STK25: variants seen among roughly 807,000 people sequenced by gnomAD.
The protein encoded by STK25 is serine/threonine-protein kinase 25.
In STK25, 29 loss-of-function variants were observed where a neutral mutation model predicts 53.8. The observed-to-expected ratio is 0.54, with a 90% CI of 0.40 to 0.74. The LOEUF (loss-of-function observed/expected upper bound fraction) is 0.74, where lower values mean the gene tolerates loss of function less well. Among genes scored for constraint, STK25 ranks in the 30% least tolerant of loss-of-function variants. STK25 has a pLI of 0.00. For synonymous variants in STK25, 247 were observed against 238.3 expected (o/e 1.04, Z -0.33); for missense variants, 420 against 568.0 (o/e 0.74, Z 2.65).
rs1276146701 is a variant in STK25 at position 241,501,480 on chromosome 2, T to C, written c.259A>G (p.Lys87Glu). ...YITRYFGSYL[K>E]STKLWIIMEY... Reference sequence around the variant, plus strand: ...CCCCGCCTCCCCACAACAGGCACCTTTAGGTAGGAGCCAAAGTAGCGGGTG... The same window carrying C: ...CCCCGCCTCCCCACAACAGGCACCTCTAGGTAGGAGCCAAAGTAGCGGGTG... The change falls in exon 3 of 12, where the codon AAG becomes GAG. Residue 87 changes from lysine to glutamate, a missense_variant and splice_region_variant. Coordinates refer to ENST00000316586, the MANE Select transcript of STK25 (RefSeq NM_001271977.2). This position sits in a 1 kb window ranked among gnomAD's most constrained non-coding sequence, Gnocchi z 5.3. 2.5e-6 allele frequency: 4 copies of C among 1,613,520 alleles called. No individual in the cohort carries two copies. The highest frequency in any genetic ancestry group is 3.4e-6 in the Non-Finnish European group (4 of 1,179,716).
At position 241,495,406 on chromosome 2, in the gene STK25, C is replaced by T. The variant is rs2065091619; in HGVS notation, c.*256G>A. The T allele has an allele frequency of 5.9e-6, 3 of 507,182 alleles. No individual in the cohort carries two copies. Among genetic ancestry groups the T allele is most frequent in the African/African-American group, 3.9e-5 (2 of 51,838 alleles). 31.4% of individuals were successfully genotyped at this position (507,182 alleles called of 1,614,324 possible). On this transcript the variant is annotated 3_prime_UTR_variant, in exon 12 of 12. Transcript: ENST00000316586. ...GGGCCACGCCGGCGGCTGGAGCCCC[C>T]GTGAGCAATACTGCTGGGCCAGGAG...
chr2:241,499,521 C>T (rs2065377986), intron 5 of STK25, 107 bp from the exon 6 acceptor site: 1 of 1,415,556 alleles, frequency 7.1e-7, no homozygotes, highest in East Asian at 2.5e-5. Flanking sequence ...TAGGGCACAG[C>T]AGGGCTGTCC....
chr2:241,508,655 C>G (rs956635221), upstream of STK25: 10 of 986,294 alleles, frequency 1.0e-5, no homozygotes, highest in Admixed American at 6.1e-5. Context: ...CCGAGTCCCA[C>G]CGCCCACTCC....
rs1445143261 is a variant in STK25, at chr2:241,508,051, G to A, written c.-16C>T. On this transcript the variant is annotated 5_prime_UTR_variant, in exon 2 of 12. Transcript: ENST00000316586. ...GGTGAGCCATGGCCGCGCCGCCTCA[G>A]ACCCTCCGCCAGCAGCCCCAGGAGG... is the stretch of plus-strand genomic sequence containing the variant. 3.1e-6 allele frequency: 5 copies of A among 1,600,284 alleles called. No individual in the cohort carries two copies. The highest frequency in any genetic ancestry group is 4.3e-6 in the Non-Finnish European group (5 of 1,174,876).
At position 241,494,208 on chromosome 2, in the gene STK25, A is replaced by T; in HGVS notation, c.*1454T>A. On this transcript the variant is annotated 3_prime_UTR_variant, in exon 12 of 12. Transcript: ENST00000316586. The surrounding 1 kb of genome is among the most constrained non-coding windows in gnomAD (Gnocchi z 4.9). ...CCTCTGTCCTGAGGCTTCTCAACAG[A>T]TGGGAAGTGGCTGTGGTCTCACTGG... 1.2e-6 allele frequency: 1 copy of T among 804,916 alleles called. No homozygotes were observed. The highest frequency in any genetic ancestry group is 2.4e-4 in the Middle Eastern group (1 of 4,116). 49.9% of individuals were successfully genotyped at this position (804,916 alleles called of 1,614,324 possible). A position where few individuals can be genotyped will look rare whatever the true frequency, so the allele number is the denominator to read the frequency against.
chr2:241,499,413 A>G lies in STK25; in HGVS notation c.429T>C (p.Ala143=). 5 of 1,613,444 alleles carry G rather than the reference A, an allele frequency of 3.1e-6. No homozygotes were observed. The highest frequency in any genetic ancestry group is 4.2e-6 in the Non-Finnish European group (5 of 1,179,812). ...CCTGCTCCGAGAGTAGCACGTTGGC[A>G]GCTGCTTGACACAGGACAGGCAGGC... ...SERKIHRDIK[A]ANVLLSEQGD... is the part of the protein sequence containing the mutation. The change falls in exon 6 of 12, where the codon GCT becomes GCC. Residue 143 remains alanine, a splice_region_variant and synonymous_variant. Transcript: ENST00000316586.
At position 241,493,729 on chromosome 2, in the gene STK25, A is replaced by G. The variant is rs1208887538; in HGVS notation, c.*1933T>C. On this transcript the variant is annotated 3_prime_UTR_variant, in exon 12 of 12. Coordinates refer to ENST00000316586, the MANE Select transcript of STK25 (RefSeq NM_001271977.2). ...TCTGCCTCAGCCTCCTGAGTAACTG[A>G]GATTACAGGCATGCACGCCACGCCG... The G allele has an allele frequency of 3.9e-6, 2 of 511,028 alleles. No homozygotes were observed. The highest frequency in any genetic ancestry group is 7.0e-6 in the Non-Finnish European group (2 of 287,056). 31.7% of individuals were successfully genotyped at this position (511,028 alleles called of 1,614,324 possible).
chr2:241,503,815 G>T (rs2065656353), intron 2 of STK25, among the ~76,000 whole-genome samples: 4 of 151,626 alleles, frequency 2.6e-5, no homozygotes, highest in Admixed American at 6.6e-5. Flanking sequence ...CGGAGACCGT[G>T]CCCACCAAGA....
chr2:241,506,623 T>C (rs2065847088), intron 2 of STK25, among the ~76,000 whole-genome samples: 2 of 152,024 alleles, frequency 1.3e-5, no homozygotes. Context: ...CAAAATTAGC[T>C]GGGCATGGTG....
intron 8 of STK25, 121 bp from the exon 9 acceptor site, chr2:241,498,470 G>A (rs528930788): frequency 2.2e-5 from 27 of 1,251,276 alleles, no homozygotes; most frequent in African/African-American, 9.0e-5. Context: ...GCCAGGCCAC[G>A]GGGTCCAGCT....
Position 241,501,803 on chromosome 2 carries a change from T to C in STK25, c.31-95A>G. The C allele has an allele frequency of 2.3e-6, 2 of 871,706 alleles. No individual in the cohort carries two copies. The highest frequency in any genetic ancestry group is 2.1e-5 in the Admixed American group (1 of 47,854). 54.0% of individuals were successfully genotyped at this position (871,706 alleles called of 1,614,324 possible). ...GCCCTGCTGGGGAGGAAGGGACCTG[T>C]AGGGAAGGGGGAGTCCAAGGGAGCG... On this transcript the variant is annotated intron_variant, in intron 2 of 11. Transcript: ENST00000316586. The surrounding 1 kb of genome is among the most constrained non-coding windows in gnomAD (Gnocchi z 5.3).
intron 1 of STK25, 59 bp from the exon 2 acceptor site, chr2:241,508,194 G>A (rs11555264): frequency 1.5e-6 from 2 of 1,360,682 alleles, no homozygotes; most frequent in South Asian, 1.8e-5. Flanking sequence ...CCGACCTCCG[G>A]GGCGGCGGGC....
intron 2 of STK25, among the ~76,000 whole-genome samples, chr2:241,504,288 T>C (rs1031717106): frequency 2.6e-5 from 4 of 152,136 alleles, no homozygotes; most frequent in African/African-American, 9.7e-5. Flanking sequence ...GAGTCAAAAG[T>C]GACCTTTCTC....
chr2:241,495,465 C>T lies in STK25; in HGVS notation c.*197G>A. On this transcript the variant is annotated 3_prime_UTR_variant, in exon 12 of 12. Coordinates refer to ENST00000316586, the MANE Select transcript of STK25 (RefSeq NM_001271977.2). Reference sequence around the variant, plus strand: ...GGGCAGTGGGCATAGAGAACAGCGTCCCTGACGTGCACAACAGCACACTGC... The same window carrying T: ...GGGCAGTGGGCATAGAGAACAGCGTTCCTGACGTGCACAACAGCACACTGC... The T allele has an allele frequency of 1.7e-6, 1 of 605,824 alleles. No individual in the cohort carries two copies. The highest frequency in any genetic ancestry group is 3.0e-6 in the Non-Finnish European group (1 of 337,536). 37.5% of individuals were successfully genotyped at this position (605,824 alleles called of 1,614,324 possible). A position where few individuals can be genotyped will look rare whatever the true frequency, so the allele number is the denominator to read the frequency against.
intron 7 of STK25, 53 bp downstream of exon 7, chr2:241,498,936 C>T (rs765802969): frequency 1.7e-5 from 27 of 1,611,370 alleles, no homozygotes; most frequent in Middle Eastern, 1.6e-4. Flanking sequence ...CCCAAGCGAA[C>T]GCCCTCCCTC....
chr2:241,493,003 C>CA lies in STK25; in HGVS notation c.*2658dup, dbSNP rs780886972. The CA allele has an allele frequency of 4.4e-6, 7 of 1,608,790 alleles. No individual in the cohort carries two copies. The highest frequency in any genetic ancestry group is 1.7e-5 in the Admixed American group (1 of 60,000). ...GGCAGAAGCTCTGGGTCGTCTTTAC[C>CA]AACTTCTGTTTGTTCTTCTACAAAA... On this transcript the variant is annotated 3_prime_UTR_variant, in exon 12 of 12. Coordinates refer to ENST00000316586, the MANE Select transcript of STK25 (RefSeq NM_001271977.2).
chr2:241,505,452 G>A (rs1441388148), intron 2 of STK25, among the ~76,000 whole-genome samples: 1 of 152,130 alleles, frequency 6.6e-6, no homozygotes, highest in Non-Finnish European at 1.5e-5. Context: ...AGGGCCTGGA[G>A]AAAGCAGGGC....
At position 241,494,280 on chromosome 2, in the gene STK25, G is replaced by C. The variant is rs776210488; in HGVS notation, c.*1382C>G. On this transcript the variant is annotated 3_prime_UTR_variant, in exon 12 of 12. Transcript: ENST00000316586. The surrounding 1 kb of genome is among the most constrained non-coding windows in gnomAD (Gnocchi z 4.9). ...GTGGGTGGGCCTCATGTAACATCTG[G>C]GAGGGGCTTCATCCCCCCACCCAGG... is the stretch of plus-strand genomic sequence containing the variant. The C allele has an allele frequency of 7.4e-5, 32 of 432,326 alleles. No individual in the cohort carries two copies. Among genetic ancestry groups the C allele is most frequent in the Non-Finnish European group, 1.3e-4 (31 of 241,054 alleles). The allele number at this position is 432,326 out of a possible 1,614,324, so 26.8% of individuals were successfully genotyped here.
chr2:241,505,590 C>G (rs1366144432), intron 2 of STK25, among the ~76,000 whole-genome samples: 2 of 152,224 alleles, frequency 1.3e-5, no homozygotes, highest in African/African-American at 4.8e-5. Flanking sequence ...CACACAGGGC[C>G]TGGAGCTGAA....
Sources: gnomAD v4.1 joint callset for allele counts (sites outside exome capture counted in the v4.1 genomes callset) on GRCh38, gnomAD v4.1.1 for gene constraint, Gnocchi (gnomAD v3.1) non-coding constraint, MANE v1.5 for transcripts, NCBI Gene and HGNC (gene_info 2026-07-23, HGNC 2026-07-21) for gene names.